Variants in LRP2 observed in about 807,000 individuals in gnomAD.
The protein encoded by LRP2 is LDL receptor related protein 2, also known as low-density lipoprotein receptor-related protein 2.
In LRP2, 172 loss-of-function variants were observed where a neutral mutation model predicts 531.0. The ratio of observed to expected loss-of-function variants is 0.32; its 90% CI spans 0.29 to 0.37. The LOEUF is 0.37. LRP2 is among the 10% of genes least tolerant of loss of function. The pLI is 1.00. For synonymous variants in LRP2, 1,992 were observed against 2,027.6 expected (o/e 0.98, Z 0.47); for missense variants, 5,167 against 5,868.3 (o/e 0.88, Z 3.90).
At chr2:169,307,507 T>C in intron 3 of LRP2, 110 bp from the exon 4 acceptor site, 3 of 731,236 alleles carry the variant, frequency 4.1e-6, no homozygotes, top group Non-Finnish European at 4.8e-6. Context: ...GGACACAAGG[T>C]AAAGTACCTG....
rs1362315808 is a variant in LRP2 at position 169,174,056 on chromosome 2, T to G, written c.10877A>C (p.Asp3626Ala). 6.2e-7 allele frequency: 1 copy of G among 1,614,194 alleles called. No individual in the cohort carries two copies. The part of the protein sequence containing the change: ...FNDCEDNSDE[D>A]SSHCASRTCR... ...GGTCCTGCTGGCACAGTGGGAACTG[T>G]CTTCATCTGAGTTATCCTCACAGTC... The change falls in exon 56 of 79, where the codon GAC (aspartate) becomes GCC (alanine). Residue 3626 changes from aspartate (D) to alanine (A), a missense_variant. Coordinates refer to ENST00000649046, the MANE Select transcript of LRP2 (RefSeq NM_004525.3).
At position 169,188,398 on chromosome 2, in the gene LRP2, C is replaced by T. The variant is rs1037950914; in HGVS notation, c.9033-133G>A. 4.6e-5 allele frequency: 38 copies of T among 821,100 alleles called. No individual in the cohort carries two copies. In the African/African-American group the frequency reaches 5.9e-4, roughly 13 times the overall value. 50.9% of individuals were successfully genotyped at this position (821,100 alleles called of 1,614,324 possible). On this transcript the variant is annotated intron_variant, in intron 48 of 78. Transcript: ENST00000649046. ...CCATTTCGACAAGATCACCAGTGTC[C>T]TTGATCCCCTTTCCCCCATCATCTT...
chr2:169,166,425 A>C (rs1330758035), intron 61 of LRP2, among the ~76,000 whole-genome samples: 1 of 152,176 alleles, frequency 6.6e-6, no homozygotes, highest in African/African-American at 2.4e-5. Context: ...AGAGAGGAGG[A>C]TGGCAGGTCT....
chr2:169,187,462 G>T (rs904069599), intron 49 of LRP2, among the ~76,000 whole-genome samples: 1 of 152,126 alleles, frequency 6.6e-6, no homozygotes, highest in Non-Finnish European at 1.5e-5. Context: ...CAAACAGGAC[G>T]AACTGCCAAT....
chr2:169,245,871 T>G (rs879793416), intron 21 of LRP2, among the ~76,000 whole-genome samples: 1 of 152,196 alleles, frequency 6.6e-6, no homozygotes, highest in Non-Finnish European at 1.5e-5. Flanking sequence ...GTTGTTGTTG[T>G]TTGTTTGCTT....
At chr2:169,238,425 G>C in intron 26 of LRP2, 123 bp from the exon 27 acceptor site, 1 of 722,448 alleles carries the variant, frequency 1.4e-6, no homozygotes, top group South Asian at 1.6e-5. Context: ...ACTATAGTAA[G>C]TTGGTGGGGA....
chr2:169,160,682 T>TAAAA (rs781574242), intron 63 of LRP2, among the ~76,000 whole-genome samples: 6 of 52,818 alleles, frequency 1.1e-4, no homozygotes, highest in South Asian at 8.9e-4. Context: ...CTTATTTCCT[T>TAAAA]AAAAAAAAAA....
At chr2:169,330,245 G>A (rs1304644075) in intron 1 of LRP2, among the ~76,000 whole-genome samples, 2 of 152,156 alleles carry the variant, frequency 1.3e-5, no homozygotes, top group Non-Finnish European at 2.9e-5. Context: ...GAGTATCCAG[G>A]CCACAGAATC....
At position 169,286,140 on chromosome 2, in the gene LRP2, C is replaced by A. The variant is rs138286193; in HGVS notation, c.1042+2886G>T. ...GAGAAAAATACAGTCTTCTTTGAAA[C>A]AAATGTGAAATAAATGTTAACCCAG... On this transcript the variant is annotated intron_variant, in intron 9 of 78. Transcript: ENST00000649046. 6.2e-3 allele frequency among the ~76,000 whole-genome samples: 946 copies of A among 152,252 alleles called. 13 individuals are homozygous for A. Among genetic ancestry groups the A allele is most frequent in the African/African-American group, 0.021 (853 of 41,552 alleles).
At chr2:169,223,592 C>G (rs989052053) in intron 33 of LRP2, among the ~76,000 whole-genome samples, 1 of 152,056 alleles carries the variant, frequency 6.6e-6, no homozygotes, top group Non-Finnish European at 1.5e-5. Context: ...AGGGTTAAAC[C>G]AGTCTGGATT....
intron 52 of LRP2, among the ~76,000 whole-genome samples, chr2:169,180,623 C>T (rs1428736926): frequency 2.0e-5 from 3 of 152,196 alleles, no homozygotes; most frequent in Admixed American, 2.0e-4. Flanking sequence ...AACTTTACTA[C>T]ACTGACTTTG....
At chr2:169,286,321 G>A (rs568433731) in intron 9 of LRP2, among the ~76,000 whole-genome samples, 1 of 152,188 alleles carries the variant, frequency 6.6e-6, no homozygotes, top group African/African-American at 2.4e-5. Flanking sequence ...TAAAGTCCCA[G>A]AAACGCGCTG....
intron 77 of LRP2, 79 bp from the exon 78 acceptor site, chr2:169,129,163 A>C (rs973141080): frequency 4.9e-5 from 52 of 1,071,316 alleles, no homozygotes; most frequent in Non-Finnish European, 7.3e-5. Context: ...TCTCAGTTTT[A>C]AAATTTCTTC....
rs1686374668 is a variant in LRP2, at chr2:169,157,487, C to G, written c.11903G>C (p.Arg3968Thr). The G allele has an allele frequency of 6.2e-7, 1 of 1,612,904 alleles. No individual in the cohort carries two copies. Among genetic ancestry groups the G allele is most frequent in the Non-Finnish European group, 8.5e-7 (1 of 1,179,352 alleles). ...CTCGCATATATTTTCAGCACATGTT[C>G]TTTCTTTTCCTTTATCTGAAAAACA... ...DELGCNKGKE[R>T]TCAENICEQN... Residue 3968 changes from arginine (R) to threonine (T), a missense_variant, in exon 64 of 79, where the codon AGA becomes ACA. Coordinates refer to ENST00000649046, the MANE Select transcript of LRP2 (RefSeq NM_004525.3).
At chr2:169,305,896 G>T (rs1684401977) in intron 4 of LRP2, among the ~76,000 whole-genome samples, 1 of 152,060 alleles carries the variant, frequency 6.6e-6, no homozygotes, top group Non-Finnish European at 1.5e-5. Flanking sequence ...ACGGGAACAT[G>T]GTGTTCAGGT....
intron 1 of LRP2, among the ~76,000 whole-genome samples, chr2:169,333,457 A>C (rs1194529388): frequency 1.4e-5 from 2 of 142,602 alleles, no homozygotes; most frequent in Admixed American, 6.9e-5. Flanking sequence ...AGAGATCTAC[A>C]AGGAAGGAAG....
intron 58 of LRP2, among the ~76,000 whole-genome samples, chr2:169,171,311 C>T (rs918204615): frequency 5.3e-5 from 8 of 152,046 alleles, no homozygotes; most frequent in Admixed American, 6.6e-5. Context: ...TAGAAATTGA[C>T]GCATATCATG....
At chr2:169,139,405 C>T in intron 73 of LRP2, 34 bp from the exon 74 acceptor site, 11 of 1,614,160 alleles carry the variant, frequency 6.8e-6, no homozygotes, top group Non-Finnish European at 9.3e-6. Context: ...CACATCAACA[C>T]ATGGGAGCCC....
chr2:169,215,086 G>A (rs924805228), intron 35 of LRP2, among the ~76,000 whole-genome samples: 5 of 152,150 alleles, frequency 3.3e-5, no homozygotes, highest in Middle Eastern at 3.2e-3. Context: ...GAGCTTCCTC[G>A]TCATTGCACA....
Sources: allele counts gnomAD v4.1 joint callset (sites outside exome capture counted in the v4.1 genomes callset), GRCh38; gene constraint gnomAD v4.1.1; transcripts MANE v1.5; gene names NCBI Gene and HGNC (gene_info 2026-07-23, HGNC 2026-07-21).